The following DNAH12 variants were observed in gnomAD, a reference collection of about 807,000 sequenced individuals.
DNAH12 encodes dynein axonemal heavy chain 12, also known as axonemal beta dynein heavy chain 12.
In DNAH12, 285 loss-of-function variants were observed where a neutral mutation model predicts 371.5. The observed-to-expected ratio is 0.77, with a 90% CI of 0.70 to 0.85. The LOEUF (loss-of-function observed/expected upper bound fraction) is 0.85, where lower values mean the gene tolerates loss of function less well. Ranked by LOEUF, DNAH12 falls within the 40% of genes least tolerant of loss-of-function variation. DNAH12 has a pLI of 0.00. For missense variants in DNAH12, 3,611 were observed against 3,689.4 expected (o/e 0.98, Z 0.55); for synonymous variants, 1,200 against 1,213.0 (o/e 0.99, Z 0.22).
At position 57,310,779 on chromosome 3, in the gene DNAH12, G is replaced by T; in HGVS notation, c.10834C>A (p.Pro3612Thr). ...GGAGGTGCAAAATAGTTTCCACTGGGAGAAAACTTATAATGAGGGTTTTCA... is the reference window on the plus strand; with the variant it reads ...GGAGGTGCAAAATAGTTTCCACTGGTAGAAAACTTATAATGAGGGTTTTCA... Reference protein sequence around the residue: ...IVENPHYKFSPSGNYFAPPKG... With the variant: ...IVENPHYKFSTSGNYFAPPKG... Residue 3612 changes from proline (P) to threonine (T), a missense_variant, in exon 67 of 74, where the codon CCC (proline) becomes ACC (threonine). Coordinates refer to ENST00000495027, the MANE Select transcript of DNAH12 (RefSeq NM_001366028.2). 6.4e-7 allele frequency: 1 copy of T among 1,551,586 alleles called. No individual in the cohort carries two copies. The highest frequency in any genetic ancestry group is 1.4e-5 in the African/African-American group (1 of 73,140).
At position 57,461,486 on chromosome 3, in the gene DNAH12, T is replaced by C; in HGVS notation, c.2736+3A>G. On this transcript the variant is annotated splice_donor_region_variant and intron_variant, in intron 19 of 73. Transcript: ENST00000495027. ...CAAGAGCTGATTATCACATTTAACATACCTTGATCTCATGTTCAAATGGTT... is the reference window on the plus strand; with the variant it reads ...CAAGAGCTGATTATCACATTTAACACACCTTGATCTCATGTTCAAATGGTT... The C allele has an allele frequency of 6.4e-7, 1 of 1,551,174 alleles. No homozygotes were observed. The highest frequency in any genetic ancestry group is 8.7e-7 in the Non-Finnish European group (1 of 1,146,704).
At chr3:57,520,103 T>C (rs1485528344) in intron 4 of DNAH12, 14 of 269,126 alleles carry the variant, frequency 5.2e-5, no homozygotes, top group Non-Finnish European at 9.2e-5. Context: ...ATCTTTCTTC[T>C]ACCTATTTTC....
chr3:57,536,587 T>A (rs1406392831), intron 2 of DNAH12, among the ~76,000 whole-genome samples: 6 of 152,186 alleles, frequency 3.9e-5, no homozygotes, highest in Non-Finnish European at 1.5e-5. Flanking sequence ...GATATCCTCC[T>A]CCTTTCTTTG....
chr3:57,405,654 G>A lies in DNAH12; in HGVS notation c.6575C>T (p.Pro2192Leu), dbSNP rs1553680852. ...IFSHLRKQNA[P>L]VTEEDLRNLM... ...TATGTTCTTAATCGCCATACTCACT[G>A]GTGCATTTTGTTTCCTCAAATGTGA... The change falls in exon 41 of 74, where the codon CCA becomes CTA. Residue 2192 changes from proline (P) to leucine (L), a missense_variant and splice_region_variant. Transcript: ENST00000495027. 1.3e-6 allele frequency: 2 copies of A among 1,549,964 alleles called. No homozygotes were observed. The highest frequency in any genetic ancestry group is 1.7e-6 in the Non-Finnish European group (2 of 1,145,970).
chr3:57,494,876 G>T (rs1212694039), intron 11 of DNAH12, among the ~76,000 whole-genome samples: 1 of 152,020 alleles, frequency 6.6e-6, no homozygotes, highest in Non-Finnish European at 1.5e-5. Context: ...CACCATAGTG[G>T]CATATGCCTG....
intron 16 of DNAH12, among the ~76,000 whole-genome samples, chr3:57,470,228 A>C (rs147247770): frequency 1.1e-3 from 174 of 152,242 alleles, no homozygotes; most frequent in African/African-American, 3.9e-3. Flanking sequence ...TCCAATCATT[A>C]TGCTCATAAA....
At chr3:57,315,235 C>A (rs1411533316) in intron 65 of DNAH12, among the ~76,000 whole-genome samples, 1 of 151,854 alleles carries the variant, frequency 6.6e-6, no homozygotes, top group African/African-American at 2.4e-5. Flanking sequence ...TGATACACAG[C>A]ATGTATTTTA....
intron 2 of DNAH12, among the ~76,000 whole-genome samples, chr3:57,533,160 ACTTAAGGCCCAAGGG>A (rs2068908500): frequency 6.6e-6 from 1 of 152,056 alleles, no homozygotes; most frequent in South Asian, 2.1e-4. Context: ...CCCAATGTTC[ACTTAAGGCCCAAGGG>A]CTCTTCAATC....
chr3:57,483,405 C>T lies in DNAH12; in HGVS notation c.1621G>A (p.Gly541Arg). ...ISYVEKARTVGIEELILRIQE... is the reference protein window; with the variant it reads ...ISYVEKARTVRIEELILRIQE... ...ATCCTTAAAATCAACTCTTCGATTC[C>T]TACAGTCCGGGCTTTTTCTACATAA... Residue 541 changes from glycine to arginine, a missense_variant, in exon 13 of 74, where the codon GGA becomes AGA. Around this residue, in one of 3 missense-constraint regions of DNAH12, gnomAD observed 1,314 missense variants for 1,398.7 expected, o/e 0.94. Transcript: ENST00000495027. The T allele has an allele frequency of 6.5e-7, 1 of 1,549,742 alleles. No homozygotes were observed. The highest frequency in any genetic ancestry group is 2.4e-5 in the East Asian group (1 of 40,864).
upstream of DNAH12, among the ~76,000 whole-genome samples, chr3:57,546,913 C>T (rs902665831): frequency 1.3e-5 from 2 of 152,000 alleles, no homozygotes; most frequent in African/African-American, 2.4e-5. Context: ...CTTAGGAGGC[C>T]GAGCCAGACA....
chr3:57,302,556 TA>T (rs2061376318), intron 69 of DNAH12, among the ~76,000 whole-genome samples: 3 of 99,316 alleles, frequency 3.0e-5, no homozygotes, highest in Non-Finnish European at 3.9e-5. Context: ...TATATATATA[TA>T]TATATATGTA....
chr3:57,335,566 T>C (rs1483090583), intron 60 of DNAH12, among the ~76,000 whole-genome samples: 2 of 152,226 alleles, frequency 1.3e-5, no homozygotes, highest in Non-Finnish European at 2.9e-5. Context: ...GCTCCTAGGC[T>C]ATAAATCTGT....
chr3:57,339,496 T>C (rs1342667243), intron 60 of DNAH12, among the ~76,000 whole-genome samples: 1 of 151,780 alleles, frequency 6.6e-6, no homozygotes, highest in Non-Finnish European at 1.5e-5. Context: ...TAAAGCTAGA[T>C]AGGAGGAATA....
intron 57 of DNAH12, among the ~76,000 whole-genome samples, 187 bp from the exon 58 acceptor site, chr3:57,363,973 C>T (rs959608640): frequency 2.0e-5 from 3 of 152,062 alleles, no homozygotes; most frequent in East Asian, 1.9e-4. Context: ...ATTGTATACA[C>T]GTAAAATGTG....
At chr3:57,301,705 C>T in intron 70 of DNAH12, 30 bp downstream of exon 70, 2 of 1,512,508 alleles carry the variant, frequency 1.3e-6, no homozygotes, top group Non-Finnish European at 1.8e-6. Flanking sequence ...CACACACACA[C>T]ACACACACAC....
intron 8 of DNAH12, among the ~76,000 whole-genome samples, chr3:57,506,423 CATTT>C (rs780109078): frequency 6.6e-6 from 1 of 151,972 alleles, no homozygotes; most frequent in African/African-American, 2.4e-5. Context: ...TTTGTTTATT[CATTT>C]ATTTATTTAT....
rs761423751 is a variant in DNAH12, at chr3:57,508,547, A to G, written c.543-7T>C. The G allele has an allele frequency of 2.6e-5, 42 of 1,605,486 alleles. No individual in the cohort carries two copies. The highest frequency in any genetic ancestry group is 3.4e-5 in the Non-Finnish European group (40 of 1,178,236). ...ATTAGAATAATCTAGGCCTCTGGAA[A>G]AGCAAAACACCATATCAAACATGAT... On this transcript the variant is annotated splice_polypyrimidine_tract_variant and splice_region_variant and intron_variant, in intron 6 of 73. Transcript: ENST00000495027.
At position 57,504,066 on chromosome 3, in the gene DNAH12, A is replaced by G. The variant is rs1394063555; in HGVS notation, c.1036T>C (p.Leu346=). ...ACCAAACTCAAGACATTATCTTCCA[A>G]ATCTTGAAAGGTAGGATAAAATTCC... ...KMEFYPTFQD[L]EDNVLSLVER... is the part of the protein sequence containing the mutation. Residue 346 remains leucine (L), a synonymous_variant, in exon 9 of 74, where the codon TTG becomes CTG. Transcript: ENST00000495027. 2 of 1,613,982 alleles carry G rather than the reference A, an allele frequency of 1.2e-6. No homozygotes were observed. The highest frequency in any genetic ancestry group is 3.3e-5 in the Admixed American group (2 of 60,024).
At position 57,489,569 on chromosome 3, in the gene DNAH12, T is replaced by A. The variant is rs953721910; in HGVS notation, c.1454A>T (p.Lys485Ile). The A allele has an allele frequency of 6.5e-7, 1 of 1,537,128 alleles. No homozygotes were observed. The highest frequency in any genetic ancestry group is 1.4e-5 in the African/African-American group (1 of 72,024). Reference sequence around the variant, plus strand: ...ATTTAATAATATGTTTGCAAAGGCTTTTGCTTTATTTGTCAGGCCTGTCTT... The same window carrying A: ...ATTTAATAATATGTTTGCAAAGGCTATTGCTTTATTTGTCAGGCCTGTCTT... Reference protein sequence around the residue: ...DLKTGLTNKAKAFANILLNDI... With the variant: ...DLKTGLTNKAIAFANILLNDI... The change falls in exon 12 of 74, where the codon AAA becomes ATA. Residue 485 changes from lysine to isoleucine, a missense_variant. This residue lies in a region of DNAH12 where 1,314 missense variants were observed against 1,398.7 expected (regional missense o/e 0.94). Coordinates refer to ENST00000495027, the MANE Select transcript of DNAH12 (RefSeq NM_001366028.2).
Sources: gnomAD v4.1 joint callset for allele counts (sites outside exome capture counted in the v4.1 genomes callset) on GRCh38, gnomAD v4.1.1 for gene constraint, gnomAD v4.1.1 regional missense constraint, MANE v1.5 for transcripts, NCBI Gene and HGNC (gene_info 2026-07-23, HGNC 2026-07-21) for gene names.